AGBL4: variants seen among roughly 807,000 people sequenced by gnomAD.
AGBL4 encodes the protein cytosolic carboxypeptidase 6.
In AGBL4, 58 loss-of-function variants were observed where a neutral mutation model predicts 66.4. The observed-to-expected ratio is 0.87, with a 90% CI of 0.71 to 1.09. The LOEUF is 1.09. Among genes scored for constraint, AGBL4 ranks in the 50% least tolerant of loss-of-function variants. The pLI is 0.00. For synonymous variants in AGBL4, 234 were observed against 222.9 expected, an observed-to-expected ratio of 1.05 and a Z score of -0.44; for missense variants, 579 against 631.0, an observed-to-expected ratio of 0.92 and a Z score of 0.88.
intron 3 of AGBL4, among the ~76,000 whole-genome samples, chr1:49,465,206 TACATACACACACAC>T (rs917642763): frequency 7.2e-5 from 5 of 69,018 alleles, no homozygotes; most frequent in Non-Finnish European, 1.5e-4. Flanking sequence ...ACCCTACCCC[TACATACACACACAC>T]ACACACACAC....
In AGBL4 at chr1:49,953,884, G is replaced by GTATT. The variant is rs898465653; in HGVS notation, c.34+69875_34+69878dup. On this transcript the variant is annotated intron_variant, in intron 1 of 13. Transcript: ENST00000371839. The stretch of plus-strand genomic sequence containing the variant: ...ACCCCATTTATCTGGGTGAAAATAT[G>GTATT]TATTTATTTATTTATTTACTTACTT... 7.2e-5 allele frequency among the ~76,000 whole-genome samples: 11 copies of GTATT among 151,746 alleles called. No homozygotes were observed. The East Asian group carries it at 9.7e-4, about 13-fold the overall frequency.
chr1:49,512,343 A>T (rs1195499739), intron 3 of AGBL4, among the ~76,000 whole-genome samples: 38 of 152,022 alleles, frequency 2.5e-4, no homozygotes, highest in Admixed American at 2.5e-3. Flanking sequence ...CAAATACAAA[A>T]TTGAAATATT....
intron 1 of AGBL4, among the ~76,000 whole-genome samples, chr1:49,947,454 T>G (rs1242689873): frequency 2.6e-5 from 4 of 151,982 alleles, no homozygotes; most frequent in African/African-American, 9.7e-5. Flanking sequence ...CATCATCATC[T>G]TAATAGATGC....
intron 1 of AGBL4, among the ~76,000 whole-genome samples, chr1:50,021,203 T>C (rs1488134109): frequency 1.3e-5 from 2 of 152,206 alleles, no homozygotes; most frequent in Non-Finnish European, 2.9e-5. Flanking sequence ...CCTTTAGCTG[T>C]GCTCTAATCT....
At chr1:48,716,576 G>A (rs11205526) in intron 6 of AGBL4, among the ~76,000 whole-genome samples, 14,441 of 152,106 alleles carry the variant, frequency 0.095, 2,148 homozygotes, top group African/African-American at 0.31. Flanking sequence ...TTCTTATTAT[G>A]TCATTCATCG....
At chr1:48,900,799 G>A (rs1557441411) in intron 5 of AGBL4, among the ~76,000 whole-genome samples, 1 of 152,124 alleles carries the variant, frequency 6.6e-6, no homozygotes, top group Non-Finnish European at 1.5e-5. Flanking sequence ...AAACATAGGA[G>A]AAGACCTTCA....
At chr1:49,815,204 C>T (rs935054413) in intron 2 of AGBL4, among the ~76,000 whole-genome samples, 2 of 152,286 alleles carry the variant, frequency 1.3e-5, no homozygotes, top group Middle Eastern at 3.4e-3. Context: ...AAACATTCTT[C>T]TACTCTCTAA....
chr1:49,575,577 T>C (rs1200431981), intron 3 of AGBL4, among the ~76,000 whole-genome samples: 1 of 152,172 alleles, frequency 6.6e-6, no homozygotes, highest in Non-Finnish European at 1.5e-5. Flanking sequence ...ACTCTCCCAT[T>C]TGGCCTGTGC....
chr1:49,785,566 A>G (rs1644432193), intron 2 of AGBL4, among the ~76,000 whole-genome samples: 1 of 152,156 alleles, frequency 6.6e-6, no homozygotes, highest in South Asian at 2.1e-4. Flanking sequence ...TATGGTATTA[A>G]TATCCTATTT....
chr1:49,619,308 A>T (rs952968673), intron 3 of AGBL4, among the ~76,000 whole-genome samples: 2 of 152,192 alleles, frequency 1.3e-5, no homozygotes, highest in Non-Finnish European at 2.9e-5. Flanking sequence ...AACCACAAGC[A>T]TTCCTATACA....
At chr1:48,778,897 G>A (rs1645212683) in intron 6 of AGBL4, among the ~76,000 whole-genome samples, 1 of 152,082 alleles carries the variant, frequency 6.6e-6, no homozygotes, top group Non-Finnish European at 1.5e-5. Flanking sequence ...CCAACCCACT[G>A]GTTATGTGGT....
At chr1:48,750,470 C>T (rs1651514674) in intron 6 of AGBL4, among the ~76,000 whole-genome samples, 1 of 152,158 alleles carries the variant, frequency 6.6e-6, no homozygotes. Context: ...CCACCCACAA[C>T]TCTCCTACCC....
intron 4 of AGBL4, among the ~76,000 whole-genome samples, chr1:49,145,676 A>G (rs1646203985): frequency 6.6e-6 from 1 of 152,082 alleles, no homozygotes; most frequent in Admixed American, 6.6e-5. Flanking sequence ...GTGAGTAAGA[A>G]CCTCGACTTC....
At position 49,481,423 on chromosome 1, in the gene AGBL4, G is replaced by A. The variant is rs539243855; in HGVS notation, c.282+215890C>T. 2.0e-5 allele frequency among the ~76,000 whole-genome samples: 3 copies of A among 151,902 alleles called. No homozygotes were observed. In the East Asian group the frequency reaches 5.8e-4, roughly 29 times the overall value. ...GAAGTTCATTCGTGATTTGGCTCTT[G>A]GCTTGACTGTTTTTAGCATATAAGA... On this transcript the variant is annotated intron_variant, in intron 3 of 13. Transcript: ENST00000371839.
At chr1:49,346,739 CA>C (rs1202644625) in intron 3 of AGBL4, among the ~76,000 whole-genome samples, 5 of 152,162 alleles carry the variant, frequency 3.3e-5, no homozygotes, top group African/African-American at 1.2e-4. Context: ...GAAGAACTTA[CA>C]GAAGATAGAT....
At chr1:49,936,690 C>G (rs1050461247) in intron 1 of AGBL4, among the ~76,000 whole-genome samples, 4 of 152,154 alleles carry the variant, frequency 2.6e-5, no homozygotes, top group African/African-American at 9.7e-5. Context: ...ATTCAACATT[C>G]TTAAGGAAAA....
chr1:49,506,332 G>T (rs1318697864), intron 3 of AGBL4, among the ~76,000 whole-genome samples: 1 of 151,914 alleles, frequency 6.6e-6, no homozygotes, highest in Non-Finnish European at 1.5e-5. Context: ...ATTAACTTTT[G>T]TTTTTGTTAA....
chr1:49,712,415 A>G (rs1647742991), intron 2 of AGBL4, among the ~76,000 whole-genome samples: 1 of 151,932 alleles, frequency 6.6e-6, no homozygotes. Flanking sequence ...ATAGAAACAA[A>G]GAGTAGAATG....
chr1:49,386,112 C>T (rs1009013961), intron 3 of AGBL4, among the ~76,000 whole-genome samples: 2 of 151,912 alleles, frequency 1.3e-5, no homozygotes, highest in Admixed American at 6.6e-5. Flanking sequence ...TAATGACATT[C>T]GTATTCTTTG....
Sources: allele counts gnomAD v4.1 joint callset (sites outside exome capture counted in the v4.1 genomes callset), GRCh38; gene constraint gnomAD v4.1.1; transcripts MANE v1.5; gene names NCBI Gene and HGNC (gene_info 2026-07-23, HGNC 2026-07-21).